The following LGSN variants were observed in gnomAD, a reference collection of about 807,000 sequenced individuals.
The protein encoded by LGSN is lengsin.
A neutral mutation model predicts 19.5 loss-of-function variants in LGSN; 21 were observed. That is an observed-to-expected ratio of 1.07 (90% CI 0.76 to 1.55). The LOEUF (loss-of-function observed/expected upper bound fraction) is 1.55, where lower values mean the gene tolerates loss of function less well. LGSN is among the 40% of genes most tolerant of loss of function. LGSN has a pLI of 0.00. For synonymous variants in LGSN, 257 were observed against 215.6 expected, an observed-to-expected ratio of 1.19 and a Z score of -1.68; for missense variants, 673 against 608.5, an observed-to-expected ratio of 1.11 and a Z score of -1.12.
chr6:63,451,778 G>A, the LGSN span, among the ~76,000 whole-genome samples: 1 of 151,626 alleles, frequency 6.6e-6, no homozygotes, highest in African/African-American at 2.4e-5. Context: ...AAAGAAAAAA[G>A]TAACATAAAA....
the LGSN span, among the ~76,000 whole-genome samples, chr6:63,348,980 G>T: frequency 3.3e-5 from 5 of 152,142 alleles, no homozygotes; most frequent in African/African-American, 1.2e-4. Context: ...GCATTGGAAT[G>T]CAGCCTTCAA....
chr6:63,444,117 G>A, the LGSN span, among the ~76,000 whole-genome samples: 1 of 152,062 alleles, frequency 6.6e-6, no homozygotes, highest in African/African-American at 2.4e-5. Flanking sequence ...ACTGGATGAT[G>A]ATGCCTCTCG....
Position 63,285,628 on chromosome 6 carries a change from C to T in LGSN, c.289G>A (p.Gly97Ser), listed in dbSNP as rs368818076. 3.1e-6 allele frequency: 5 copies of T among 1,613,658 alleles called. No individual in the cohort carries two copies. The African/African-American group carries it at 4.0e-5, about 13-fold the overall frequency. ...GGGATAGTCTTAGACCTGGACACGC[C>T]GTGGAGGTCTGTTGCTTCAAATCGT... is the stretch of plus-strand genomic sequence containing the variant. ...FVRFEATDLHGVSRSKTIPAH... is the reference protein window; with the variant it reads ...FVRFEATDLHSVSRSKTIPAH... Residue 97 changes from glycine to serine, a missense_variant, in exon 3 of 4, where the codon GGC becomes AGC. Physicochemically the swap from Gly to Ser is moderately conservative, Grantham distance 56 (BLOSUM62 0). Transcript: ENST00000370657.
At chr6:63,394,734 G>C in the LGSN span, among the ~76,000 whole-genome samples, 2 of 152,216 alleles carry the variant, frequency 1.3e-5, no homozygotes, top group African/African-American at 4.8e-5. Flanking sequence ...CTTGGGGTCT[G>C]GATCAGGACC....
At chr6:63,344,965 A>G in the LGSN span, among the ~76,000 whole-genome samples, 1 of 152,196 alleles carries the variant, frequency 6.6e-6, no homozygotes, top group African/African-American at 2.4e-5. Context: ...TTATGTGTTC[A>G]TCAAAATCTA....
At chr6:63,379,528 A>AT in the LGSN span, among the ~76,000 whole-genome samples, 2 of 152,150 alleles carry the variant, frequency 1.3e-5, no homozygotes, top group South Asian at 2.1e-4. Context: ...CCTTATCTGT[A>AT]TTGCCAATAA....
the LGSN span, among the ~76,000 whole-genome samples, chr6:63,414,149 A>ATTTTG: frequency 1.8e-3 from 270 of 152,194 alleles, no homozygotes; most frequent in African/African-American, 6.1e-3. Context: ...TACTGTCTTA[A>ATTTTG]TTTTGTTTTG....
At chr6:63,557,143 T>C in the LGSN span, among the ~76,000 whole-genome samples, 4 of 152,354 alleles carry the variant, frequency 2.6e-5, no homozygotes, top group South Asian at 2.1e-4. Flanking sequence ...GTGAGAGAGA[T>C]AGATGACATT....
the LGSN span, among the ~76,000 whole-genome samples, chr6:63,555,292 G>A: frequency 6.6e-6 from 1 of 152,130 alleles, no homozygotes; most frequent in South Asian, 2.1e-4. Context: ...CAGATTTTTA[G>A]AATGAAACAA....
At chr6:63,381,014 C>T in the LGSN span, among the ~76,000 whole-genome samples, 6 of 152,036 alleles carry the variant, frequency 3.9e-5, no homozygotes, top group South Asian at 2.1e-4. Flanking sequence ...CTGGGCAACA[C>T]GGCAAAACCT....
the LGSN span, among the ~76,000 whole-genome samples, chr6:63,459,965 T>C: frequency 6.6e-6 from 1 of 152,044 alleles, no homozygotes; most frequent in Admixed American, 6.6e-5. Flanking sequence ...TTCCTAGGAA[T>C]TTGATGACCA....
At chr6:63,456,600 G>A in the LGSN span, among the ~76,000 whole-genome samples, 3 of 151,674 alleles carry the variant, frequency 2.0e-5, no homozygotes, top group Admixed American at 1.3e-4. Context: ...AAACCTGTAA[G>A]TTGTGCTCCC....
the LGSN span, among the ~76,000 whole-genome samples, chr6:63,346,161 G>A: frequency 4.3e-3 from 657 of 151,776 alleles, 7 homozygotes; most frequent in African/African-American, 0.015. Context: ...CTTTGACACA[G>A]AGCTCCCAAT....
At chr6:63,299,332 T>C (rs1242617205) in intron 1 of LGSN, among the ~76,000 whole-genome samples, 3 of 152,196 alleles carry the variant, frequency 2.0e-5, no homozygotes, top group Non-Finnish European at 4.4e-5. Flanking sequence ...TAGAGACTCT[T>C]ATCATTGACT....
the LGSN span, among the ~76,000 whole-genome samples, chr6:63,516,646 C>A: frequency 1.3e-5 from 2 of 152,164 alleles, no homozygotes; most frequent in Admixed American, 6.5e-5. Context: ...TTCAAAGCAA[C>A]AGAATCTTAG....
At chr6:63,468,835 G>A in the LGSN span, among the ~76,000 whole-genome samples, 1 of 151,410 alleles carries the variant, frequency 6.6e-6, no homozygotes, top group Admixed American at 6.6e-5. Context: ...AGCAACCTCT[G>A]TCTCCTGGGT....
the LGSN span, among the ~76,000 whole-genome samples, chr6:63,417,579 G>A: frequency 6.6e-6 from 1 of 152,118 alleles, no homozygotes; most frequent in Non-Finnish European, 1.5e-5. Flanking sequence ...TGTAATTTCT[G>A]TCTCCTATCT....
chr6:63,433,556 A>G, the LGSN span, among the ~76,000 whole-genome samples: 1 of 152,214 alleles, frequency 6.6e-6, no homozygotes, highest in Non-Finnish European at 1.5e-5. Context: ...GTGAACTAGT[A>G]TTCAATGTGT....
the LGSN span, among the ~76,000 whole-genome samples, chr6:63,445,705 G>A: frequency 6.6e-6 from 1 of 152,202 alleles, no homozygotes; most frequent in East Asian, 1.9e-4. Context: ...TATCAGCATA[G>A]ATTTAGAGAC....
Sources: gnomAD v4.1 joint callset for allele counts (sites outside exome capture counted in the v4.1 genomes callset) on GRCh38, gnomAD v4.1.1 for gene constraint, MANE v1.5 for transcripts, NCBI Gene and HGNC (gene_info 2026-07-23, HGNC 2026-07-21) for gene names.